SNED1: variants seen among roughly 807,000 people sequenced by gnomAD.
SNED1 encodes the protein sushi, nidogen and EGF like domains 1.
A neutral mutation model predicts 166.7 loss-of-function variants in SNED1; 81 were observed. The ratio of observed to expected loss-of-function variants is 0.49; its 90% CI spans 0.41 to 0.58. The LOEUF is 0.58. Ranked by LOEUF, SNED1 falls within the 20% of genes least tolerant of loss-of-function variation. The pLI is 0.00. For synonymous variants in SNED1, 762 were observed against 822.0 expected, an observed-to-expected ratio of 0.93 and a Z score of 1.25; for missense variants, 1,604 against 2,000.2, an observed-to-expected ratio of 0.80 and a Z score of 3.78.
At chr2:241,025,065 G>C (rs1166061220) in intron 1 of SNED1, among the ~76,000 whole-genome samples, 1 of 152,152 alleles carries the variant, frequency 6.6e-6, no homozygotes, top group East Asian at 1.9e-4. Context: ...CCAGTCCCTG[G>C]GGCTGCAGAC....
At chr2:241,062,321 A>G (rs972562891) in intron 16 of SNED1, among the ~76,000 whole-genome samples, 1 of 152,176 alleles carries the variant, frequency 6.6e-6, no homozygotes, top group Non-Finnish European at 1.5e-5. Context: ...CTTTTTAAGC[A>G]TGAAATTAAA....
At chr2:241,041,106 G>A (rs1047342294) in intron 8 of SNED1, 6 of 334,882 alleles carry the variant, frequency 1.8e-5, no homozygotes, top group Non-Finnish European at 3.5e-5. Context: ...TGTTTTACCC[G>A]TAAGACACAG....
Position 240,999,017 on chromosome 2 carries a change from C to A in SNED1, c.180C>A (p.Phe60Leu), listed in dbSNP as rs753627796. The A allele has an allele frequency of 9.8e-6, 13 of 1,326,300 alleles. No individual in the cohort carries two copies. Among genetic ancestry groups the A allele is most frequent in the Non-Finnish European group, 9.7e-7 (1 of 1,034,840 alleles). The allele number at this position is 1,326,300 out of a possible 1,614,324, so 82.2% of individuals were successfully genotyped here. ...GSGLRPLSVP[F>L]PFFGAEHSGL... ...GGCTGCGGCCGCTCTCGGTGCCCTT[C>A]CCGTTCTTCGGTGCCGAGCACTCCG... Residue 60 changes from phenylalanine to leucine, a missense_variant, in exon 1 of 32, where the codon TTC (phenylalanine) becomes TTA (leucine). By Grantham distance (22) the Phe-to-Leu change is conservative. Coordinates refer to ENST00000310397, the MANE Select transcript of SNED1 (RefSeq NM_001080437.3). The surrounding 1 kb of genome is among the most constrained non-coding windows in gnomAD (Gnocchi z 5.8).
Position 241,073,454 on chromosome 2 carries a change from G to A in SNED1, c.3916+90G>A. 9.8e-7 allele frequency: 1 copy of A among 1,022,924 alleles called. No individual in the cohort carries two copies. The highest frequency in any genetic ancestry group is 1.5e-6 in the Non-Finnish European group (1 of 665,966). 63.4% of individuals were successfully genotyped at this position (1,022,924 alleles called of 1,614,324 possible). ...GCAGGCAGGAGGGACCACCCACGGT[G>A]AGGAATCAGGAGGCACAGAGCCTAC... is the stretch of plus-strand genomic sequence containing the variant. On this transcript the variant is annotated intron_variant, in intron 27 of 31. Transcript: ENST00000310397. This position sits in a 1 kb window ranked among gnomAD's most constrained non-coding sequence, Gnocchi z 6.6.
intron 6 of SNED1, among the ~76,000 whole-genome samples, chr2:241,037,869 G>A (rs1450078379): frequency 6.6e-6 from 1 of 152,176 alleles, no homozygotes; most frequent in Non-Finnish European, 1.5e-5. Flanking sequence ...TCAGGGAAAG[G>A]GGGTCTCACA....
At chr2:241,065,228 C>G in intron 20 of SNED1, 71 bp from the exon 21 acceptor site, 1 of 1,528,466 alleles carries the variant, frequency 6.5e-7, no homozygotes, top group Non-Finnish European at 8.9e-7. Flanking sequence ...GCTGAGCCGC[C>G]GACGGGAGCC....
intron 2 of SNED1, among the ~76,000 whole-genome samples, chr2:241,032,614 C>T (rs1050494714): frequency 6.6e-6 from 1 of 152,036 alleles, no homozygotes; most frequent in African/African-American, 2.4e-5. Context: ...TGCACATGTA[C>T]CCTAGAACTT....
At position 240,998,927 on chromosome 2, in the gene SNED1, C is replaced by G; in HGVS notation, c.90C>G (p.Asp30Glu). The G allele has an allele frequency of 7.8e-7, 1 of 1,275,070 alleles. No homozygotes were observed. Among genetic ancestry groups the G allele is most frequent in the Non-Finnish European group, 9.9e-7 (1 of 1,009,780 alleles). 79.0% of individuals were successfully genotyped at this position (1,275,070 alleles called of 1,614,324 possible). A position where few individuals can be genotyped will look rare whatever the true frequency, so the allele number is the denominator to read the frequency against. The change falls in exon 1 of 32, where the codon GAC becomes GAG. Residue 30 changes from aspartate (D) to glutamate (E), a missense_variant. Transcript: ENST00000310397. ...RGVRGAVALA[D>E]FYPFGAERGD... is the part of the protein sequence containing the mutation. Reference sequence around the variant, plus strand: ...TGCGCGGCGCGGTGGCCCTTGCCGACTTCTACCCGTTCGGCGCCGAGCGCG... The same window carrying G: ...TGCGCGGCGCGGTGGCCCTTGCCGAGTTCTACCCGTTCGGCGCCGAGCGCG...
At chr2:241,061,041 A>G (rs547263978) in intron 16 of SNED1, among the ~76,000 whole-genome samples, 9 of 152,320 alleles carry the variant, frequency 5.9e-5, no homozygotes, top group Non-Finnish European at 1.5e-5. Context: ...GAATTTAAAA[A>G]GAAATGATGA....
chr2:241,091,721 A>AG lies in SNED1; in HGVS notation c.*87dup, dbSNP rs1240334739. 1 of 152,288 alleles carries AG rather than the reference A, an allele frequency of 6.6e-6. No individual in the cohort carries two copies. Among genetic ancestry groups the AG allele is most frequent in the Admixed American group, 6.5e-5 (1 of 15,286 alleles). The allele number at this position is 152,288 out of a possible 1,614,324, so 9.4% of individuals were successfully genotyped here. ...ATGAGGTCTAAAAACTGGATGAAAA[A>AG]GGACACCCTGAGAAAAGGTCCTAGC... is the stretch of plus-strand genomic sequence containing the variant. On this transcript the variant is annotated 3_prime_UTR_variant, in exon 32 of 32. Transcript: ENST00000310397. This position sits in a 1 kb window ranked among gnomAD's most constrained non-coding sequence, Gnocchi z 4.1.
intron 27 of SNED1, among the ~76,000 whole-genome samples, chr2:241,079,010 A>C (rs1056153626): frequency 1.3e-5 from 2 of 150,042 alleles, no homozygotes; most frequent in Non-Finnish European, 2.9e-5. Context: ...GCTATTCAGG[A>C]GGCTGAGGCA....
rs181587723 is a variant in SNED1, at chr2:241,058,784, A to G, written c.2258-4007A>G. On this transcript the variant is annotated intron_variant, in intron 16 of 31. Transcript: ENST00000310397. The stretch of plus-strand genomic sequence containing the variant: ...GCTAACACGGTGAAACCCCGTCTCT[A>G]CTAAAAATACAAAAAATTAGCTGGG... Among the ~76,000 whole-genome samples the G allele has an allele frequency of 5.4e-3, 827 of 152,248 alleles. 6 individuals carry two copies. The highest frequency in any genetic ancestry group is 0.012 in the African/African-American group (510 of 41,542).
chr2:241,074,453 A>C (rs1427461506), intron 27 of SNED1: 1 of 152,234 alleles, frequency 6.6e-6, no homozygotes, highest in African/African-American at 2.4e-5. Context: ...GAACTAAAAC[A>C]AACATTTCAT....
In SNED1 at chr2:241,069,904, C is replaced by T; in HGVS notation, c.3308-16C>T. 1 of 1,609,590 alleles carries T rather than the reference C, an allele frequency of 6.2e-7. No homozygotes were observed. The highest frequency in any genetic ancestry group is 8.5e-7 in the Non-Finnish European group (1 of 1,177,924). On this transcript the variant is annotated splice_polypyrimidine_tract_variant and intron_variant, in intron 23 of 31. Transcript: ENST00000310397. The surrounding 1 kb of genome is among the most constrained non-coding windows in gnomAD (Gnocchi z 4.9). ...GTGGGCACCCCCTCACCTCTCCCTG[C>T]TCCTGCCTCATCCAGGGCCCCTGCC...
intron 6 of SNED1, among the ~76,000 whole-genome samples, chr2:241,039,347 A>G (rs1242755473): frequency 6.6e-6 from 1 of 152,288 alleles, no homozygotes. Flanking sequence ...CCATTCCCCC[A>G]TGACTCCAGG....
intron 16 of SNED1, among the ~76,000 whole-genome samples, chr2:241,054,988 A>G (rs958138602): frequency 3.9e-5 from 6 of 152,078 alleles, no homozygotes; most frequent in African/African-American, 1.2e-4. Flanking sequence ...GTGGTGGCAC[A>G]TGCCTGTAAT....
intron 8 of SNED1, among the ~76,000 whole-genome samples, chr2:241,042,489 A>G (rs1123650): frequency 0.088 from 13,322 of 152,224 alleles, 656 homozygotes; most frequent in East Asian, 0.19. Flanking sequence ...ACTCCAAAAT[A>G]CCCAGTCAAA....
At position 241,070,037 on chromosome 2, in the gene SNED1, C is replaced by T. The variant is rs748931958; in HGVS notation, c.3425C>T (p.Thr1142Ile). ...GAGGCTTATGTCATCAATGTGACCA[C>T]CAGCCAGAGCACCAAGAGCCGCTAT... Reference protein sequence around the residue: ...LLEAYVINVTTSQSTKSRYVP... With the variant: ...LLEAYVINVTISQSTKSRYVP... Residue 1142 changes from threonine (T) to isoleucine (I), a missense_variant, in exon 24 of 32, where the codon ACC becomes ATC. Thr to Ile is a moderately conservative substitution (Grantham distance 89, BLOSUM62 -1). Coordinates refer to ENST00000310397, the MANE Select transcript of SNED1 (RefSeq NM_001080437.3). 5.0e-6 allele frequency: 8 copies of T among 1,613,036 alleles called. No individual in the cohort carries two copies. Among genetic ancestry groups the T allele is most frequent in the Non-Finnish European group, 6.8e-6 (8 of 1,179,894 alleles).
At position 241,064,215 on chromosome 2, in the gene SNED1, C is replaced by G. The variant is rs556666372; in HGVS notation, c.2599+90C>G. 156 of 882,126 alleles carry G rather than the reference C, an allele frequency of 1.8e-4. 1 individual carries two copies. The highest frequency in any genetic ancestry group is 1.7e-3 in the African/African-American group (95 of 55,782). 54.6% of individuals were successfully genotyped at this position (882,126 alleles called of 1,614,324 possible). Reference sequence around the variant, plus strand: ...GCTGCCCGCCCTCTGCCCGCCTGCTCCCCGCCCTCTGCCCGCCTGCTCCCC... The same window carrying G: ...GCTGCCCGCCCTCTGCCCGCCTGCTGCCCGCCCTCTGCCCGCCTGCTCCCC... On this transcript the variant is annotated intron_variant, in intron 19 of 31. Coordinates refer to ENST00000310397, the MANE Select transcript of SNED1 (RefSeq NM_001080437.3). The surrounding 1 kb of genome is among the most constrained non-coding windows in gnomAD (Gnocchi z 7.0).
Sources: allele counts gnomAD v4.1 joint callset (sites outside exome capture counted in the v4.1 genomes callset), GRCh38; gene constraint gnomAD v4.1.1; non-coding constraint Gnocchi (gnomAD v3.1); transcripts MANE v1.5; gene names NCBI Gene and HGNC (gene_info 2026-07-23, HGNC 2026-07-21).